The following ERP44 variants were observed in gnomAD, a reference collection of about 807,000 sequenced individuals.
ERP44 encodes the protein endoplasmic reticulum resident protein 44.
ERP44 carries 25 observed loss-of-function variants against 53.4 expected under a neutral mutation model. The observed-to-expected ratio is 0.47, with a 90% CI of 0.34 to 0.65. The LOEUF is 0.65. Ranked by LOEUF, ERP44 falls within the 30% of genes least tolerant of loss-of-function variation. The probability of loss-of-function intolerance (pLI) is 0.01; values close to 1 mark genes in which losing one functional copy is unlikely to be tolerated. For missense variants in ERP44, 338 were observed against 493.2 expected (o/e 0.69, Z 2.98); for synonymous variants, 145 against 161.2 (o/e 0.90, Z 0.76).
chr9:100,073,854 CAG>C (rs1260988384), intron 1 of ERP44, among the ~76,000 whole-genome samples: 1 of 152,160 alleles, frequency 6.6e-6, no homozygotes, highest in Non-Finnish European at 1.5e-5. Context: ...GTCCAGGAAA[CAG>C]AAACACAAAT....
intron 6 of ERP44, among the ~76,000 whole-genome samples, chr9:100,020,023 C>A (rs1402632874): frequency 1.3e-5 from 2 of 151,684 alleles, no homozygotes; most frequent in African/African-American, 4.8e-5. Flanking sequence ...AGAGGCAGGT[C>A]AGGAAAGAAA....
chr9:100,049,582 G>T (rs746275690), intron 4 of ERP44, among the ~76,000 whole-genome samples: 73 of 152,152 alleles, frequency 4.8e-4, no homozygotes, highest in Non-Finnish European at 8.2e-4. Context: ...ACACATATTG[G>T]AATATGTAAA....
At chr9:100,078,319 G>A (rs1000974635) in intron 1 of ERP44, among the ~76,000 whole-genome samples, 2 of 151,888 alleles carry the variant, frequency 1.3e-5, no homozygotes, top group South Asian at 2.1e-4. Context: ...TTAGCCAGGC[G>A]TGGTGGTGGG....
intron 2 of ERP44, among the ~76,000 whole-genome samples, chr9:100,059,892 A>G (rs1223797751): frequency 3.9e-5 from 6 of 152,178 alleles, no homozygotes; most frequent in African/African-American, 1.4e-4. Context: ...AATTGTTAAG[A>G]ATGGTATCTA....
chr9:100,036,106 G>A (rs1211945046), intron 4 of ERP44, among the ~76,000 whole-genome samples: 2 of 152,116 alleles, frequency 1.3e-5, no homozygotes, highest in Non-Finnish European at 2.9e-5. Context: ...TATGTTCCTC[G>A]CAGCACTATT....
At chr9:100,066,276 A>T (rs1390117229) in intron 1 of ERP44, among the ~76,000 whole-genome samples, 1 of 152,236 alleles carries the variant, frequency 6.6e-6, no homozygotes, top group East Asian at 1.9e-4. Flanking sequence ...CTGTGCTTTT[A>T]GAAAAATGTA....
chr9:100,005,245 C>T (rs967619298), intron 10 of ERP44, among the ~76,000 whole-genome samples: 1 of 152,168 alleles, frequency 6.6e-6, no homozygotes, highest in Non-Finnish European at 1.5e-5. Flanking sequence ...GCATCAATAT[C>T]GCCAGAAATC....
chr9:100,086,284 A>G (rs544748460), intron 1 of ERP44, among the ~76,000 whole-genome samples: 6 of 152,248 alleles, frequency 3.9e-5, no homozygotes, highest in Non-Finnish European at 7.3e-5. Flanking sequence ...TCATAATTAT[A>G]GTTGTCACTA....
chr9:100,073,888 A>G (rs1826330859), intron 1 of ERP44, among the ~76,000 whole-genome samples: 1 of 152,196 alleles, frequency 6.6e-6, no homozygotes, highest in African/African-American at 2.4e-5. Flanking sequence ...AAAACTACCT[A>G]TCCTTACTAC....
At chr9:99,991,677 G>A (rs6478992) in intron 10 of ERP44, among the ~76,000 whole-genome samples, 102,974 of 151,956 alleles carry the variant, frequency 0.68, 36,132 homozygotes, top group East Asian at 0.91. Context: ...AGCAGAAATG[G>A]AGGAGATAGA....
intron 4 of ERP44, among the ~76,000 whole-genome samples, chr9:100,029,137 A>C (rs757761215): frequency 3.3e-5 from 5 of 152,178 alleles, no homozygotes; most frequent in Admixed American, 1.3e-4. Context: ...ATTTTTATGG[A>C]TACTGCTTTA....
In ERP44 at chr9:100,018,283, G is replaced by T; in HGVS notation, c.618C>A (p.Gly206=). Residue 206 remains glycine (G), a synonymous_variant, in exon 7 of 12, where the codon GGC becomes GGA. Coordinates refer to ENST00000262455, the MANE Select transcript of ERP44 (RefSeq NM_015051.3). The part of the protein sequence containing the change: ...GDVSKPERYS[G]DNIIYKPPGH... ...CTGGTGGTTTGTAGATTATGTTGTC[G>T]CCACTATATCTTTCCGGTTTTGAAA... The T allele has an allele frequency of 6.2e-7, 1 of 1,605,892 alleles. No individual in the cohort carries two copies. Among genetic ancestry groups the T allele is most frequent in the Non-Finnish European group, 8.5e-7 (1 of 1,172,780 alleles).
intron 4 of ERP44, among the ~76,000 whole-genome samples, chr9:100,032,121 T>C (rs1028357053): frequency 1.3e-5 from 2 of 152,158 alleles, no homozygotes; most frequent in Non-Finnish European, 2.9e-5. Flanking sequence ...CTCCCTCTTT[T>C]TTTTGGGATC....
intron 4 of ERP44, among the ~76,000 whole-genome samples, chr9:100,031,024 T>C (rs933686160): frequency 1.3e-5 from 2 of 152,198 alleles, no homozygotes; most frequent in Admixed American, 6.5e-5. Flanking sequence ...GCAGAGTGGC[T>C]ACTGTAGCGA....
chr9:100,038,515 G>T (rs1274788429), intron 4 of ERP44, among the ~76,000 whole-genome samples: 1 of 151,820 alleles, frequency 6.6e-6, no homozygotes, highest in Admixed American at 6.6e-5. Context: ...AAAATAAAAA[G>T]AAATGAAATC....
intron 11 of ERP44, among the ~76,000 whole-genome samples, chr9:99,984,060 T>C (rs10988932): frequency 0.19 from 28,609 of 152,084 alleles, 4,262 homozygotes; most frequent in African/African-American, 0.42. Context: ...TTGCCTCCTA[T>C]AGTTGTTAAT....
At chr9:100,018,683 T>C (rs191316142) in intron 6 of ERP44, among the ~76,000 whole-genome samples, 1 of 152,360 alleles carries the variant, frequency 6.6e-6, no homozygotes, top group East Asian at 1.9e-4. Context: ...TAAGTAATTT[T>C]TTGTTTATTT....
chr9:99,984,833 T>C, intron 11 of ERP44, 134 bp downstream of exon 11: 1 of 569,164 alleles, frequency 1.8e-6, no homozygotes, highest in Non-Finnish European at 3.1e-6. Context: ...AAAGGTTAAT[T>C]TCTACTCAGA....
intron 4 of ERP44, among the ~76,000 whole-genome samples, chr9:100,043,707 A>G (rs1825938153): frequency 6.6e-6 from 1 of 152,128 alleles, no homozygotes; most frequent in South Asian, 2.1e-4. Flanking sequence ...GTGAGCTGAG[A>G]ACGCGCCACT....
Sources: allele counts gnomAD v4.1 joint callset (sites outside exome capture counted in the v4.1 genomes callset), GRCh38; gene constraint gnomAD v4.1.1; transcripts MANE v1.5; gene names NCBI Gene and HGNC (gene_info 2026-07-23, HGNC 2026-07-21).